SSH3: variants seen among roughly 807,000 people sequenced by gnomAD.
The protein encoded by SSH3 is protein phosphatase Slingshot homolog 3.
SSH3 carries 67 observed loss-of-function variants against 75.0 expected under a neutral mutation model. That is an observed-to-expected ratio of 0.89 (90% confidence interval 0.73 to 1.10). The LOEUF is 1.10. SSH3 is among the 50% of genes least tolerant of loss of function. SSH3 has a pLI of 0.00. For missense variants in SSH3, 824 were observed against 872.7 expected (o/e 0.94, Z 0.70); for synonymous variants, 318 against 349.2 (o/e 0.91, Z 1.00).
chr11:67,305,173 G>C (rs2134767986), intron 3 of SSH3, among the ~76,000 whole-genome samples, 166 bp downstream of exon 3: 1 of 152,162 alleles, frequency 6.6e-6, no homozygotes, highest in Middle Eastern at 3.4e-3. Flanking sequence ...GTTTCAGGCA[G>C]AGATGTTTTG....
chr11:67,308,127 G>C lies in SSH3; in HGVS notation c.886-47G>C, dbSNP rs755293398. On this transcript the variant is annotated intron_variant, in intron 8 of 13. Transcript: ENST00000308127. This position sits in a 1 kb window ranked among gnomAD's most constrained non-coding sequence, Gnocchi z 4.9. The stretch of plus-strand genomic sequence containing the variant: ...GTCCCAGAGGGAAGGTGGCAGGTTG[G>C]GCACTAGGAGAGCCCCAGCCTCTCT... 2 of 1,595,780 alleles carry C rather than the reference G, an allele frequency of 1.3e-6. No individual in the cohort carries two copies. Among genetic ancestry groups the C allele is most frequent in the Non-Finnish European group, 1.7e-6 (2 of 1,171,034 alleles).
At chr11:67,311,408 C>A (rs892537689) in intron 13 of SSH3, among the ~76,000 whole-genome samples, 183 bp from the exon 14 acceptor site, 1 of 152,162 alleles carries the variant, frequency 6.6e-6, no homozygotes, top group Non-Finnish European at 1.5e-5. Context: ...TGTTGTCCTC[C>A]CTCCCGAGGA....
Position 67,308,591 on chromosome 11 carries a change from T to A in SSH3, c.1061+133T>A. The A allele has an allele frequency of 7.6e-7, 1 of 1,318,822 alleles. No homozygotes were observed. Among genetic ancestry groups the A allele is most frequent in the Non-Finnish European group, 1.0e-6 (1 of 960,870 alleles). 81.7% of individuals were successfully genotyped at this position (1,318,822 alleles called of 1,614,324 possible). ...GCTAGCTCTGCTTCTAACTCTGTCC[T>A]GGGGCTGTTGCCCTGGTGTGGGCTC... On this transcript the variant is annotated intron_variant, in intron 10 of 13. Transcript: ENST00000308127. This position sits in a 1 kb window ranked among gnomAD's most constrained non-coding sequence, Gnocchi z 4.9.
At position 67,307,431 on chromosome 11, in the gene SSH3, C is replaced by A; in HGVS notation, c.597C>A (p.Thr199=). The A allele has an allele frequency of 1.9e-6, 3 of 1,613,992 alleles. No individual in the cohort carries two copies. Among genetic ancestry groups the A allele is most frequent in the Non-Finnish European group, 2.5e-6 (3 of 1,180,002 alleles). ...TCTTCAAGCCCATCTCCATCCAGACCATGTGGTAAGGACAGAGACTGCCTG... is the reference window on the plus strand; with the variant it reads ...TCTTCAAGCCCATCTCCATCCAGACAATGTGGTAAGGACAGAGACTGCCTG... ...SRIFKPISIQ[T]MWATLQVLHQ... The change falls in exon 6 of 14, where the codon ACC becomes ACA. Residue 199 remains threonine (T), a synonymous_variant. Coordinates refer to ENST00000308127, the MANE Select transcript of SSH3 (RefSeq NM_017857.4). The surrounding 1 kb of genome is among the most constrained non-coding windows in gnomAD (Gnocchi z 4.2).
rs751313615 is a variant in SSH3 at position 67,306,851 on chromosome 11, A to G, written c.353A>G (p.Glu118Gly). 12 of 1,611,260 alleles carry G rather than the reference A, an allele frequency of 7.4e-6. No homozygotes were observed. Among genetic ancestry groups the G allele is most frequent in the Non-Finnish European group, 1.0e-5 (12 of 1,178,406 alleles). Residue 118 changes from glutamate (E) to glycine (G), a missense_variant, in exon 4 of 14, where the codon GAG (glutamate) becomes GGG (glycine). Physicochemically the swap from Glu to Gly is moderately conservative, Grantham distance 98 (BLOSUM62 -2). Coordinates refer to ENST00000308127, the MANE Select transcript of SSH3 (RefSeq NM_017857.4). The part of the protein sequence containing the change: ...QDDIRLAAQL[E>G]APRPPRLRYL... Reference sequence around the variant, plus strand: ...ATCTCCCCCCAGGCAGCCCAGCTGGAGGCACCCCGGCCTCCCCGGCTCCGC... The same window carrying G: ...ATCTCCCCCCAGGCAGCCCAGCTGGGGGCACCCCGGCCTCCCCGGCTCCGC...
intron 3 of SSH3, among the ~76,000 whole-genome samples, chr11:67,305,273 A>T (rs1283801544): frequency 1.4e-5 from 2 of 144,102 alleles, no homozygotes; most frequent in Non-Finnish European, 3.0e-5. Context: ...TGCAAGTTCC[A>T]CCTCCCGGGT....
chr11:67,307,945 C>G lies in SSH3; in HGVS notation c.885+6C>G, dbSNP rs751223662. 2 of 1,614,104 alleles carry G rather than the reference C, an allele frequency of 1.2e-6. No individual in the cohort carries two copies. Among genetic ancestry groups the G allele is most frequent in the Non-Finnish European group, 1.7e-6 (2 of 1,179,966 alleles). On this transcript the variant is annotated splice_donor_region_variant and intron_variant, in intron 8 of 13. Coordinates refer to ENST00000308127, the MANE Select transcript of SSH3 (RefSeq NM_017857.4). The surrounding 1 kb of genome is among the most constrained non-coding windows in gnomAD (Gnocchi z 4.2). ...AGAGTGTCACTTCCAAAGAGGTGGG[C>G]AGGGGGCCCGGGGACTGAGTCCCCT...
chr11:67,304,256 G>A (rs1777739317), intron 2 of SSH3, 101 bp downstream of exon 2: 26 of 941,840 alleles, frequency 2.8e-5, no homozygotes, highest in Non-Finnish European at 3.8e-5. Context: ...CCCGGAGGAC[G>A]CGCAGCGAAG....
In SSH3 at chr11:67,308,334, C is replaced by G; in HGVS notation, c.1014+32C>G. The stretch of plus-strand genomic sequence containing the variant: ...TTCAGCCAGGCCTGGGCCATGGGGA[C>G]CGCTGGCAGCTGTGAGGGCGGCAGG... On this transcript the variant is annotated intron_variant, in intron 9 of 13. Coordinates refer to ENST00000308127, the MANE Select transcript of SSH3 (RefSeq NM_017857.4). This position sits in a 1 kb window ranked among gnomAD's most constrained non-coding sequence, Gnocchi z 4.9. The G allele has an allele frequency of 6.2e-7, 1 of 1,613,542 alleles. No homozygotes were observed. Among genetic ancestry groups the G allele is most frequent in the Non-Finnish European group, 8.5e-7 (1 of 1,179,518 alleles).
chr11:67,310,118 C>T lies in SSH3; in HGVS notation c.1462C>T (p.His488Tyr). ...QKVGGVSPEE[H>Y]PAPEVSTPFP... ...AGTGGGTGGGGTCTCCCCAGAGGAG[C>T]ACCCAGCCCCTGAAGTCTCTACACC... The change falls in exon 13 of 14, where the codon CAC becomes TAC. Residue 488 changes from histidine (H) to tyrosine (Y), a missense_variant. Coordinates refer to ENST00000308127, the MANE Select transcript of SSH3 (RefSeq NM_017857.4). The T allele has an allele frequency of 6.2e-7, 1 of 1,614,126 alleles. No individual in the cohort carries two copies. Among genetic ancestry groups the T allele is most frequent in the East Asian group, 2.2e-5 (1 of 44,892 alleles).
chr11:67,310,105 C>G lies in SSH3; in HGVS notation c.1449C>G (p.Val483=). ...SHVWEQKVGG[V]SPEEHPAPEV... ...TCTGGGAGCAGAAAGTGGGTGGGGT[C>G]TCCCCAGAGGAGCACCCAGCCCCTG... Residue 483 remains valine, a synonymous_variant, in exon 13 of 14, where the codon GTC becomes GTG. Transcript: ENST00000308127. 6.2e-7 allele frequency: 1 copy of G among 1,613,944 alleles called. No individual in the cohort carries two copies.
chr11:67,305,714 G>A (rs1397271119), intron 3 of SSH3, among the ~76,000 whole-genome samples: 1 of 152,128 alleles, frequency 6.6e-6, no homozygotes, highest in Non-Finnish European at 1.5e-5. Context: ...ACTGGGGGAG[G>A]GTGTGCTAGA....
intron 3 of SSH3, among the ~76,000 whole-genome samples, chr11:67,305,669 T>C (rs1412673384): frequency 2.0e-5 from 3 of 152,116 alleles, no homozygotes; most frequent in African/African-American, 7.2e-5. Context: ...TGTCCCTAAA[T>C]GGACCAGTGC....
chr11:67,303,647 C>G lies in SSH3; in HGVS notation c.22C>G (p.Arg8Gly). MALVTVSRSPPGSGASTP... is the reference protein window; with the variant it reads MALVTVSGSPPGSGASTP... ...CTCCATGGCCCTGGTCACAGTGAGC[C>G]GTTCGCCCCCGGGCAGCGGCGCCTC... Residue 8 changes from arginine to glycine, a missense_variant, in exon 1 of 14, where the codon CGT (arginine) becomes GGT (glycine). Physicochemically the swap from Arg to Gly is moderately radical, Grantham distance 125. Coordinates refer to ENST00000308127, the MANE Select transcript of SSH3 (RefSeq NM_017857.4). The G allele has an allele frequency of 1.3e-6, 2 of 1,514,262 alleles. No homozygotes were observed. Among genetic ancestry groups the G allele is most frequent in the Non-Finnish European group, 1.8e-6 (2 of 1,137,836 alleles). The allele number at this position is 1,514,262 out of a possible 1,614,324, so 93.8% of individuals were successfully genotyped here.
At chr11:67,306,726 G>A in intron 3 of SSH3, 112 bp from the exon 4 acceptor site, 1 of 1,256,190 alleles carries the variant, frequency 8.0e-7, no homozygotes, top group Admixed American at 2.8e-5. Flanking sequence ...CTGGGAAGAG[G>A]GGGGATGGGA....
In SSH3 at chr11:67,310,305, T is replaced by C. The variant is rs1861375770; in HGVS notation, c.1649T>C (p.Leu550Pro). ...AGTCTTCTGGAGCCCTCCTTGGAGCTGGAGAGCACCTCAGAGACCAGTGAC... is the reference window on the plus strand; with the variant it reads ...AGTCTTCTGGAGCCCTCCTTGGAGCCGGAGAGCACCTCAGAGACCAGTGAC... ...SISLLEPSLE[L>P]ESTSETSDMP... Residue 550 changes from leucine (L) to proline (P), a missense_variant, in exon 13 of 14, where the codon CTG becomes CCG. Coordinates refer to ENST00000308127, the MANE Select transcript of SSH3 (RefSeq NM_017857.4). 1 of 1,613,544 alleles carries C rather than the reference T, an allele frequency of 6.2e-7. No homozygotes were observed. Among genetic ancestry groups the C allele is most frequent in the African/African-American group, 1.3e-5 (1 of 74,978 alleles).
At chr11:67,305,895 C>T (rs1000892802) in intron 3 of SSH3, among the ~76,000 whole-genome samples, 1 of 152,168 alleles carries the variant, frequency 6.6e-6, no homozygotes, top group Non-Finnish European at 1.5e-5. Flanking sequence ...ACAGAAGTAT[C>T]ATCCCCTATC....
In SSH3 at chr11:67,307,393, G is replaced by T; in HGVS notation, c.559G>T (p.Gly187Trp). ...CAGGGGCTTCAGCGTGACGTCTGGT[G>T]GGCAAAGCCGGATCTTCAAGCCCAT... The part of the protein sequence containing the change: ...GDGGFSVTSG[G>W]QSRIFKPISI... Residue 187 changes from glycine (G) to tryptophan (W), a missense_variant, in exon 6 of 14, where the codon GGG (glycine) becomes TGG (tryptophan). By Grantham distance (184) the Gly-to-Trp change is radical. Transcript: ENST00000308127. The surrounding 1 kb of genome is among the most constrained non-coding windows in gnomAD (Gnocchi z 4.2). 6.2e-7 allele frequency: 1 copy of T among 1,614,044 alleles called. No homozygotes were observed. The highest frequency in any genetic ancestry group is 8.5e-7 in the Non-Finnish European group (1 of 1,180,014).
chr11:67,308,210 C>T lies in SSH3; in HGVS notation c.922C>T (p.Leu308Phe), dbSNP rs1354562682. 8 of 1,614,052 alleles carry T rather than the reference C, an allele frequency of 5.0e-6. No individual in the cohort carries two copies. Among genetic ancestry groups the T allele is most frequent in the South Asian group, 1.1e-5 (1 of 91,088 alleles). Residue 308 changes from leucine (L) to phenylalanine (F), a missense_variant, in exon 9 of 14, where the codon CTC (leucine) becomes TTC (phenylalanine). Leu to Phe is a conservative substitution (Grantham distance 22). Coordinates refer to ENST00000308127, the MANE Select transcript of SSH3 (RefSeq NM_017857.4). This position sits in a 1 kb window ranked among gnomAD's most constrained non-coding sequence, Gnocchi z 4.9. ...TCTGGAGCTGCGCCTGGGGCTCCCC[C>T]TCCAGCAGTACCGTGACTTCATCGA... ...QALELRLGLP[L>F]QQYRDFIDNQ...
Sources: gnomAD v4.1 joint callset for allele counts (sites outside exome capture counted in the v4.1 genomes callset) on GRCh38, gnomAD v4.1.1 for gene constraint, Gnocchi (gnomAD v3.1) non-coding constraint, MANE v1.5 for transcripts, NCBI Gene and HGNC (gene_info 2026-07-23, HGNC 2026-07-21) for gene names.